NEK1: variants seen among roughly 807,000 people sequenced by gnomAD.
NEK1 encodes serine/threonine-protein kinase Nek1.
NEK1 carries 137 observed loss-of-function variants against 182.1 expected under a neutral mutation model. The observed-to-expected ratio is 0.75, with a 90% CI of 0.65 to 0.87. The LOEUF is 0.87. Ranked by LOEUF, NEK1 falls within the 40% of genes least tolerant of loss-of-function variation. The pLI, the probability that NEK1 is intolerant of heterozygous loss-of-function variation, is 0.00. For missense variants in NEK1, 1,391 were observed against 1,494.4 expected, an observed-to-expected ratio of 0.93 and a Z score of 1.14; for synonymous variants, 513 against 492.2, an observed-to-expected ratio of 1.04 and a Z score of -0.56.
At chr4:169,441,245 T>A (rs902092540) in intron 27 of NEK1, among the ~76,000 whole-genome samples, 2 of 152,208 alleles carry the variant, frequency 1.3e-5, no homozygotes, top group South Asian at 2.1e-4. Flanking sequence ...CCTGGGTGAA[T>A]GTGCACTTGT....
chr4:169,553,431 C>A (rs1356065177), intron 18 of NEK1, among the ~76,000 whole-genome samples: 1 of 151,978 alleles, frequency 6.6e-6, no homozygotes, highest in Non-Finnish European at 1.5e-5. Flanking sequence ...GGAGAAAACC[C>A]AAATGAACTT....
chr4:169,452,824 C>T (rs1478880683), intron 27 of NEK1, among the ~76,000 whole-genome samples: 2 of 152,072 alleles, frequency 1.3e-5, no homozygotes, highest in Non-Finnish European at 2.9e-5. Flanking sequence ...GGCAATGAGG[C>T]AAGAGAAAGA....
At chr4:169,399,633 C>CT (rs1731314954) in intron 35 of NEK1, among the ~76,000 whole-genome samples, 3 of 151,740 alleles carry the variant, frequency 2.0e-5, no homozygotes, top group Non-Finnish European at 2.9e-5. Flanking sequence ...TATTTATTTA[C>CT]TTTTTTGAGA....
chr4:169,542,744 C>T (rs58691417), intron 18 of NEK1, among the ~76,000 whole-genome samples: 13,426 of 151,144 alleles, frequency 0.089, 772 homozygotes, highest in African/African-American at 0.16. Flanking sequence ...TCTTTAGTGA[C>T]CAGTGATGAA....
At chr4:169,504,302 CA>C (rs1168196767) in intron 23 of NEK1, among the ~76,000 whole-genome samples, 1 of 152,098 alleles carries the variant, frequency 6.6e-6, no homozygotes, top group Non-Finnish European at 1.5e-5. Flanking sequence ...CTAGTACAGC[CA>C]CTTATGGAGA....
At chr4:169,559,912 G>A (rs1370632856) in intron 16 of NEK1, among the ~76,000 whole-genome samples, 3 of 152,188 alleles carry the variant, frequency 2.0e-5, no homozygotes, top group Admixed American at 2.0e-4. Context: ...CGGAGGCTGA[G>A]GCAGGAGAAT....
intron 2 of NEK1, among the ~76,000 whole-genome samples, chr4:169,609,388 G>A (rs1426263810): frequency 1.3e-5 from 2 of 152,136 alleles, no homozygotes; most frequent in Non-Finnish European, 2.9e-5. Flanking sequence ...GGAAAACAAA[G>A]TATCTACAAA....
intron 19 of NEK1, among the ~76,000 whole-genome samples, chr4:169,534,421 A>G (rs530465738): frequency 9.9e-5 from 15 of 152,186 alleles, no homozygotes; most frequent in Non-Finnish European, 2.1e-4. Flanking sequence ...ACCTTGGAAA[A>G]TTGAAGAACA....
chr4:169,492,170 A>T (rs952589339), intron 23 of NEK1, among the ~76,000 whole-genome samples: 2 of 152,250 alleles, frequency 1.3e-5, no homozygotes, highest in Non-Finnish European at 2.9e-5. Context: ...AATGTAATTA[A>T]GCTCTCCAAT....
chr4:169,515,515 A>C (rs200713961), intron 19 of NEK1, among the ~76,000 whole-genome samples: 1 of 119,916 alleles, frequency 8.3e-6, no homozygotes, highest in African/African-American at 3.2e-5. Context: ...TTTTTTTTTT[A>C]TTATACTCTA....
Position 169,588,690 on chromosome 4 carries a change from C to T in NEK1, c.510G>A (p.Leu170=). ...GTTTGTTTTCACAGATTTCAGGTGA[C>T]AAGTAGTATGGGGTCCCTATGCAAG... The part of the protein sequence containing the change: ...ARTCIGTPYY[L]SPEICENKPY... Residue 170 remains leucine, a synonymous_variant, in exon 8 of 36, where the codon TTG becomes TTA. Coordinates refer to ENST00000507142, the MANE Select transcript of NEK1 (RefSeq NM_001199397.3). The T allele has an allele frequency of 1.3e-6, 2 of 1,549,806 alleles. No homozygotes were observed. Among genetic ancestry groups the T allele is most frequent in the Non-Finnish European group, 1.7e-6 (2 of 1,145,308 alleles).
chr4:169,505,698 T>A (rs1753134688), intron 23 of NEK1, among the ~76,000 whole-genome samples: 1 of 152,234 alleles, frequency 6.6e-6, no homozygotes, highest in African/African-American at 2.4e-5. Flanking sequence ...GAACTGTTGT[T>A]ACTATGATGT....
At chr4:169,500,123 C>T (rs1752150950) in intron 23 of NEK1, among the ~76,000 whole-genome samples, 1 of 152,230 alleles carries the variant, frequency 6.6e-6, no homozygotes, top group Non-Finnish European at 1.5e-5. Context: ...CCCAGCCTCG[C>T]TGCCGCCTTG....
intron 18 of NEK1, among the ~76,000 whole-genome samples, chr4:169,541,908 A>G: frequency 6.6e-6 from 1 of 152,130 alleles, no homozygotes; most frequent in East Asian, 1.9e-4. Context: ...ATCTGACCGA[A>G]ATGTGTCTTT....
intron 18 of NEK1, chr4:169,555,452 G>T: frequency 5.2e-6 from 2 of 383,738 alleles, no homozygotes; most frequent in South Asian, 2.7e-5. Flanking sequence ...TAATTATGTT[G>T]GCAGAATGTT....
chr4:169,542,630 C>T (rs751241305), intron 18 of NEK1, among the ~76,000 whole-genome samples: 1 of 152,152 alleles, frequency 6.6e-6, no homozygotes, highest in Non-Finnish European at 1.5e-5. Context: ...AGTGTAAAAG[C>T]ATTCCTATTT....
intron 12 of NEK1, among the ~76,000 whole-genome samples, chr4:169,567,579 T>C (rs1763922174): frequency 6.6e-6 from 1 of 152,172 alleles, no homozygotes; most frequent in South Asian, 2.1e-4. Flanking sequence ...TTTGTATTTT[T>C]ACTAGAGACG....
At chr4:169,562,311 C>A (rs1442358768) in intron 12 of NEK1, 115 bp from the exon 13 acceptor site, 1 of 633,830 alleles carries the variant, frequency 1.6e-6, no homozygotes. Context: ...TTCCATAACT[C>A]TCTTCCAAAT....
At chr4:169,608,875 A>G (rs1771835542) in intron 2 of NEK1, among the ~76,000 whole-genome samples, 1 of 152,024 alleles carries the variant, frequency 6.6e-6, no homozygotes, top group African/African-American at 2.4e-5. Context: ...GCTGACCAAC[A>G]TGGTAAGACC....
Sources: allele counts gnomAD v4.1 joint callset (sites outside exome capture counted in the v4.1 genomes callset), GRCh38; gene constraint gnomAD v4.1.1; transcripts MANE v1.5; gene names NCBI Gene and HGNC (gene_info 2026-07-23, HGNC 2026-07-21).